CACNA2D3: variants seen among roughly 807,000 people sequenced by gnomAD.
CACNA2D3 encodes the protein voltage-dependent calcium channel subunit alpha-2/delta-3.
In CACNA2D3, 60 loss-of-function variants were observed where a neutral mutation model predicts 160.6. That is an observed-to-expected ratio of 0.37 (90% CI 0.30 to 0.46). The LOEUF is 0.46. Among genes scored for constraint, CACNA2D3 ranks in the 20% least tolerant of loss-of-function variants. CACNA2D3 has a pLI of 1.00. For synonymous variants in CACNA2D3, 558 were observed against 492.9 expected (o/e 1.13, Z -1.75); for missense variants, 1,205 against 1,365.0 (o/e 0.88, Z 1.85).
chr3:54,734,914 A>G lies in CACNA2D3; in HGVS notation c.1168-17685A>G, dbSNP rs1701466849. On this transcript the variant is annotated intron_variant, in intron 11 of 37. Transcript: ENST00000474759. Reference sequence around the variant, plus strand: ...GGATTAGCATCCAGAAAAGACTATCAGAAATTGCCAAACTCATTATCTGCT... The same window carrying G: ...GGATTAGCATCCAGAAAAGACTATCGGAAATTGCCAAACTCATTATCTGCT... Among the ~76,000 whole-genome samples the G allele has an allele frequency of 2.6e-5, 4 of 152,234 alleles. 1 individual carries two copies. The highest frequency in any genetic ancestry group is 6.5e-5 in the Admixed American group (1 of 15,288).
chr3:54,503,676 C>T (rs756118358), intron 5 of CACNA2D3, 22 bp downstream of exon 5: 3 of 1,608,748 alleles, frequency 1.9e-6, no homozygotes, highest in East Asian at 4.5e-5. Context: ...AGCCACTGCT[C>T]CTTTTAGAAG....
At chr3:54,475,913 T>C (rs980457773) in intron 4 of CACNA2D3, among the ~76,000 whole-genome samples, 3 of 151,528 alleles carry the variant, frequency 2.0e-5, no homozygotes, top group Non-Finnish European at 4.4e-5. Flanking sequence ...TTAACTATTA[T>C]TGCCATGCTG....
At chr3:54,642,287 C>A in intron 11 of CACNA2D3, 46 bp downstream of exon 11, 1 of 1,123,538 alleles carries the variant, frequency 8.9e-7, no homozygotes, top group Non-Finnish European at 1.3e-6. Flanking sequence ...CCTTGAGAAT[C>A]TTTACTGTAA....
intron 3 of CACNA2D3, among the ~76,000 whole-genome samples, chr3:54,362,531 C>T (rs1408743255): frequency 1.3e-5 from 2 of 152,178 alleles, no homozygotes; most frequent in Non-Finnish European, 2.9e-5. Context: ...GTGTGCAGCA[C>T]ATATTGACCA....
chr3:54,933,441 C>G (rs1701255455), intron 27 of CACNA2D3, among the ~76,000 whole-genome samples: 2 of 152,158 alleles, frequency 1.3e-5, no homozygotes, highest in Admixed American at 1.3e-4. Context: ...GCTCTCAGAG[C>G]CCTCTCCATC....
chr3:54,890,669 A>C (rs751177006), intron 24 of CACNA2D3, among the ~76,000 whole-genome samples: 2 of 152,220 alleles, frequency 1.3e-5, no homozygotes, highest in Non-Finnish European at 2.9e-5. Context: ...GTGAATTTTT[A>C]CATTAGTTTT....
intron 2 of CACNA2D3, among the ~76,000 whole-genome samples, chr3:54,176,157 A>G (rs1166338392): frequency 2.0e-5 from 3 of 152,164 alleles, no homozygotes; most frequent in South Asian, 2.1e-4. Context: ...CTGAGCCCCA[A>G]CACACTTTTT....
intron 13 of CACNA2D3, among the ~76,000 whole-genome samples, chr3:54,811,032 A>G (rs562397981): frequency 4.1e-4 from 63 of 152,172 alleles, no homozygotes; most frequent in African/African-American, 1.5e-3. Flanking sequence ...TCCCCGATTG[A>G]GTCCTGGGCT....
intron 14 of CACNA2D3, among the ~76,000 whole-genome samples, chr3:54,829,245 CTCT>C (rs1703815635): frequency 2.0e-5 from 3 of 152,144 alleles, no homozygotes; most frequent in Non-Finnish European, 4.4e-5. Flanking sequence ...GTGTCTGTAT[CTCT>C]ACTGGGGGTG....
Position 54,340,788 on chromosome 3 carries a change from A to G in CACNA2D3, c.321+20230A>G, listed in dbSNP as rs144541652. Reference sequence around the variant, plus strand: ...TTCTACTTCCTGGTTTTCCATGGAGATCTGTCCCTTCTTGATCCCCAGTCC... The same window carrying G: ...TTCTACTTCCTGGTTTTCCATGGAGGTCTGTCCCTTCTTGATCCCCAGTCC... On this transcript the variant is annotated intron_variant, in intron 3 of 37. Transcript: ENST00000474759. Among the ~76,000 whole-genome samples the G allele has an allele frequency of 2.5e-3, 373 of 152,032 alleles. 4 individuals carry two copies. Among genetic ancestry groups the G allele is most frequent in the African/African-American group, 8.5e-3 (351 of 41,428 alleles).
chr3:54,223,959 T>C (rs1482714262), intron 2 of CACNA2D3, among the ~76,000 whole-genome samples: 3 of 152,162 alleles, frequency 2.0e-5, no homozygotes, highest in African/African-American at 7.2e-5. Context: ...TTGACTCTAA[T>C]AACAGCTTAA....
intron 2 of CACNA2D3, among the ~76,000 whole-genome samples, chr3:54,318,994 G>A (rs1027950524): frequency 1.3e-5 from 2 of 152,068 alleles, no homozygotes; most frequent in African/African-American, 4.8e-5. Context: ...TAAGGATTTT[G>A]TTTTAGTTTA....
At chr3:54,587,850 C>A (rs533975635) in intron 9 of CACNA2D3, among the ~76,000 whole-genome samples, 7 of 152,232 alleles carry the variant, frequency 4.6e-5, no homozygotes, top group African/African-American at 1.7e-4. Flanking sequence ...GCCAAAAAAA[C>A]CATTTTCAGG....
intron 2 of CACNA2D3, among the ~76,000 whole-genome samples, chr3:54,251,997 G>T (rs949336770): frequency 1.3e-5 from 2 of 151,684 alleles, no homozygotes; most frequent in Middle Eastern, 3.4e-3. Context: ...TTTTATTCAT[G>T]CAGTAATCTT....
intron 12 of CACNA2D3, among the ~76,000 whole-genome samples, chr3:54,763,780 C>T (rs1413288333): frequency 2.7e-4 from 7 of 25,706 alleles, no homozygotes; most frequent in African/African-American, 8.5e-4. Context: ...TATATATGTA[C>T]ATATATATGT....
intron 4 of CACNA2D3, among the ~76,000 whole-genome samples, chr3:54,452,588 C>G: frequency 6.6e-6 from 1 of 152,148 alleles, no homozygotes; most frequent in Admixed American, 6.5e-5. Flanking sequence ...AAAATTATTC[C>G]ATTACCCAAT....
At chr3:54,259,323 A>G (rs370465451) in intron 2 of CACNA2D3, among the ~76,000 whole-genome samples, 368 of 152,370 alleles carry the variant, frequency 2.4e-3, no homozygotes, top group African/African-American at 8.1e-3. Context: ...AGTCAAGCAG[A>G]GCTGAGAGTT....
chr3:54,577,050 C>G (rs1702596663), intron 8 of CACNA2D3, among the ~76,000 whole-genome samples: 1 of 151,846 alleles, frequency 6.6e-6, no homozygotes, highest in East Asian at 1.9e-4. Context: ...CAAAAACAAA[C>G]AAACAAAAAC....
chr3:54,356,155 A>C lies in CACNA2D3; in HGVS notation c.322-30560A>C, dbSNP rs535812632. ...GAGCAGCTCCCTCAGTGAAATTTGG[A>C]CAGCTTTTGACAGGGCCAGGATCAA... is the stretch of plus-strand genomic sequence containing the variant. On this transcript the variant is annotated intron_variant, in intron 3 of 37. Transcript: ENST00000474759. Among the ~76,000 whole-genome samples the C allele has an allele frequency of 1.8e-3, 280 of 152,262 alleles. 1 individual carries two copies. Among genetic ancestry groups the C allele is most frequent in the African/African-American group, 6.2e-3 (256 of 41,552 alleles).
Sources: gnomAD v4.1 joint callset for allele counts (sites outside exome capture counted in the v4.1 genomes callset) on GRCh38, gnomAD v4.1.1 for gene constraint, MANE v1.5 for transcripts, NCBI Gene and HGNC (gene_info 2026-07-23, HGNC 2026-07-21) for gene names.